Variants in PRKG2 observed in about 807,000 individuals in gnomAD.
PRKG2 encodes protein kinase cGMP-dependent 2, also known as cGMP-dependent protein kinase 2.
Under a neutral mutation model 97.2 loss-of-function variants are expected in PRKG2, and 33 were observed. The observed-to-expected ratio is 0.34, with a 90% CI of 0.26 to 0.45. The LOEUF is 0.45. Among genes scored for constraint, PRKG2 ranks in the 20% least tolerant of loss-of-function variants. The probability of loss-of-function intolerance (pLI) is 1.00; values close to 1 mark genes in which losing one functional copy is unlikely to be tolerated. For missense variants in PRKG2, 638 were observed against 900.0 expected (o/e 0.71, Z 3.73); for synonymous variants, 330 against 321.8 (o/e 1.03, Z -0.27).
chr4:81,217,335 A>T (rs774025145), upstream of PRKG2, among the ~76,000 whole-genome samples: 1 of 152,138 alleles, frequency 6.6e-6, no homozygotes, highest in African/African-American at 2.4e-5. Context: ...CTTACCGTTC[A>T]TTGAGGTAAA....
chr4:81,160,553 T>G (rs1348598576), intron 6 of PRKG2, among the ~76,000 whole-genome samples: 1 of 152,158 alleles, frequency 6.6e-6, no homozygotes, highest in African/African-American at 2.4e-5. Context: ...CAATGGATAT[T>G]AGGAAAATTA....
intron 17 of PRKG2, among the ~76,000 whole-genome samples, chr4:81,099,586 A>G (rs995180436): frequency 1.3e-5 from 2 of 152,194 alleles, no homozygotes; most frequent in Non-Finnish European, 2.9e-5. Context: ...GCTATCTATG[A>G]CAAACCCACA....
At chr4:81,202,884 G>C (rs1425551327) in intron 2 of PRKG2, among the ~76,000 whole-genome samples, 1 of 151,900 alleles carries the variant, frequency 6.6e-6, no homozygotes, top group Non-Finnish European at 1.5e-5. Flanking sequence ...ACATAATCTT[G>C]GTTCAAGAGA....
intron 2 of PRKG2, among the ~76,000 whole-genome samples, chr4:81,188,436 T>C (rs1752099793): frequency 7.0e-6 from 1 of 143,722 alleles, no homozygotes; most frequent in Non-Finnish European, 1.5e-5. Context: ...GACTGTAAAC[T>C]AGTTCAACCC....
In PRKG2 at chr4:81,174,863, C is replaced by T. The variant is rs767508210; in HGVS notation, c.558G>A (p.Gly186=). 5 of 1,613,074 alleles carry T rather than the reference C, an allele frequency of 3.1e-6. No individual in the cohort carries two copies. The highest frequency in any genetic ancestry group is 2.7e-5 in the African/African-American group (2 of 74,902). ...QIKDMVECMY[G]RNYQQGSYII... is the part of the protein sequence containing the mutation. Reference sequence around the variant, plus strand: ...TGTAACTCCCTTGCTGATAGTTTCTCCCATACATGCATTCCACCATGTCTT... The same window carrying T: ...TGTAACTCCCTTGCTGATAGTTTCTTCCATACATGCATTCCACCATGTCTT... The change falls in exon 3 of 19, where the codon GGG becomes GGA. Residue 186 remains glycine, a synonymous_variant. Coordinates refer to ENST00000264399, the MANE Select transcript of PRKG2 (RefSeq NM_006259.3).
At chr4:81,096,708 T>A (rs1177612136) in intron 17 of PRKG2, among the ~76,000 whole-genome samples, 2 of 152,182 alleles carry the variant, frequency 1.3e-5, no homozygotes, top group Admixed American at 6.6e-5. Context: ...TCTTTGCTCA[T>A]CCATAAGAAG....
At chr4:81,204,091 T>G (rs1753491442) in intron 2 of PRKG2, among the ~76,000 whole-genome samples, 2 of 152,210 alleles carry the variant, frequency 1.3e-5, no homozygotes, top group Admixed American at 1.3e-4. Context: ...GAGGCATACT[T>G]AGCATCTAAC....
At position 81,204,758 on chromosome 4, in the gene PRKG2, G is replaced by A. The variant is rs751548718; in HGVS notation, c.290C>T (p.Ser97Phe). Residue 97 changes from serine to phenylalanine, a missense_variant, in exon 2 of 19, where the codon TCT (serine) becomes TTT (phenylalanine). Ser to Phe is a radical substitution (Grantham distance 155). This residue lies in a region of PRKG2 where 332 missense variants were observed against 421.7 expected (regional missense o/e 0.79). Transcript: ENST00000264399. ...GACCTCAAGAGGCACTTTATCTGGA[G>A]AGGCCTGAAGCGGGCTTCCTCCCTG... The part of the protein sequence containing the change: ...HMQGGSPLQA[S>F]PDKVPLEVHR... 8.5e-5 allele frequency: 138 copies of A among 1,614,210 alleles called. No individual in the cohort carries two copies. The South Asian group carries it at 1.3e-3, about 15-fold the overall frequency.
intron 6 of PRKG2, among the ~76,000 whole-genome samples, chr4:81,154,978 T>C (rs1748881003): frequency 6.6e-6 from 1 of 151,242 alleles, no homozygotes; most frequent in African/African-American, 2.4e-5. Context: ...ATCGAGACCA[T>C]CCCGGCTAAC....
chr4:81,193,990 C>CAGGCCT (rs2110116204), intron 2 of PRKG2, among the ~76,000 whole-genome samples: 1 of 152,246 alleles, frequency 6.6e-6, no homozygotes, highest in East Asian at 1.9e-4. Context: ...CACACAGTGC[C>CAGGCCT]AGGCCTCTTT....
chr4:81,171,877 TAAAAC>T (rs2110083756), intron 3 of PRKG2, 73 bp from the exon 4 acceptor site: 1 of 1,028,344 alleles, frequency 9.7e-7, no homozygotes, highest in South Asian at 1.7e-5. Flanking sequence ...ATTAGTAAAA[TAAAAC>T]AATCATAAAG....
intron 7 of PRKG2, 106 bp from the exon 8 acceptor site, chr4:81,152,160 G>T: frequency 1.3e-6 from 1 of 795,716 alleles, no homozygotes; most frequent in Non-Finnish European, 2.0e-6. Flanking sequence ...ACTTGGACAA[G>T]GAAAAAGACA....
intron 6 of PRKG2, among the ~76,000 whole-genome samples, chr4:81,160,134 T>TA (rs894066748): frequency 5.7e-4 from 86 of 151,856 alleles, no homozygotes; most frequent in African/African-American, 2.0e-3. Flanking sequence ...AATAAATAAA[T>TA]AAAAAGATAA....
chr4:81,151,242 T>TA (rs1748369828), intron 8 of PRKG2, among the ~76,000 whole-genome samples: 1 of 152,128 alleles, frequency 6.6e-6, no homozygotes. Flanking sequence ...TTCCAAGTAT[T>TA]AACTTGAAAA....
chr4:81,132,803 C>G (rs964027086), intron 14 of PRKG2, among the ~76,000 whole-genome samples: 1 of 152,102 alleles, frequency 6.6e-6, no homozygotes, highest in African/African-American at 2.4e-5. Flanking sequence ...TCTGTTAGAT[C>G]TTTTTTGAGT....
At chr4:81,101,583 G>A (rs1742784548) in intron 17 of PRKG2, among the ~76,000 whole-genome samples, 1 of 137,912 alleles carries the variant, frequency 7.3e-6, no homozygotes, top group South Asian at 2.8e-4. Context: ...GGGGGAGGGG[G>A]GAGGTATGGC....
intron 14 of PRKG2, among the ~76,000 whole-genome samples, chr4:81,133,214 A>G (rs1374756015): frequency 6.6e-6 from 1 of 152,136 alleles, no homozygotes; most frequent in Non-Finnish European, 1.5e-5. Flanking sequence ...ATTCTTAGGG[A>G]TAGGTTTCTA....
chr4:81,183,529 C>T (rs1258889520), intron 2 of PRKG2, among the ~76,000 whole-genome samples: 3 of 152,128 alleles, frequency 2.0e-5, no homozygotes, highest in Non-Finnish European at 4.4e-5. Flanking sequence ...CCTATGACAC[C>T]AGGGCCCTGG....
intron 3 of PRKG2, among the ~76,000 whole-genome samples, chr4:81,172,739 A>C (rs1345670496): frequency 6.6e-6 from 1 of 152,182 alleles, no homozygotes; most frequent in Non-Finnish European, 1.5e-5. Context: ...TTAAAGAATT[A>C]GTCTTTCCTT....
Sources: gnomAD v4.1 joint callset for allele counts (sites outside exome capture counted in the v4.1 genomes callset) on GRCh38, gnomAD v4.1.1 for gene constraint, gnomAD v4.1.1 regional missense constraint, MANE v1.5 for transcripts, NCBI Gene and HGNC (gene_info 2026-07-23, HGNC 2026-07-21) for gene names.